SEMA3D: variants seen among roughly 807,000 people sequenced by gnomAD.
The protein encoded by SEMA3D is semaphorin 3D.
Under a neutral mutation model 100.1 loss-of-function variants are expected in SEMA3D, and 84 were observed. The ratio of observed to expected loss-of-function variants is 0.84; its 90% CI spans 0.70 to 1.01. The LOEUF is 1.01. Ranked by LOEUF, SEMA3D falls within the 50% of genes least tolerant of loss-of-function variation. The pLI, the probability that SEMA3D is intolerant of heterozygous loss-of-function variation, is 0.00. For missense variants in SEMA3D, 875 were observed against 934.1 expected, an observed-to-expected ratio of 0.94 and a Z score of 0.82; for synonymous variants, 312 against 320.7, an observed-to-expected ratio of 0.97 and a Z score of 0.29.
chr7:85,189,458 A>T (rs1392548868), upstream of SEMA3D, among the ~76,000 whole-genome samples: 1 of 152,198 alleles, frequency 6.6e-6, no homozygotes, highest in East Asian at 1.9e-4. Context: ...AATTCTTAAA[A>T]TAAAACCCAG....
chr7:85,183,549 C>G (rs1198245003), intron 1 of SEMA3D, among the ~76,000 whole-genome samples: 7 of 152,136 alleles, frequency 4.6e-5, no homozygotes. Flanking sequence ...CATTCCCACG[C>G]TTACTAGTCT....
intron 10 of SEMA3D, 138 bp downstream of exon 10, chr7:85,042,033 G>A: frequency 1.5e-6 from 1 of 687,188 alleles, no homozygotes; most frequent in South Asian, 1.8e-5. Flanking sequence ...CTTTGCGTGT[G>A]AATTTTAGTA....
rs1788611779 is a variant in SEMA3D at position 85,097,848 on chromosome 7, A to T, written c.269T>A (p.Ile90Asn). 6.2e-7 allele frequency: 1 copy of T among 1,608,686 alleles called. No individual in the cohort carries two copies. The highest frequency in any genetic ancestry group is 8.5e-7 in the Non-Finnish European group (1 of 1,176,068). ...TAAGTCAACCAGACTGAGTAGAAAGATGTGGTCTTTGGCTCCCAAGAGCAG... is the reference window on the plus strand; with the variant it reads ...TAAGTCAACCAGACTGAGTAGAAAGTTGTGGTCTTTGGCTCCCAAGAGCAG... ...GRLLLGAKDHIFLLSLVDLNK... is the reference protein window; with the variant it reads ...GRLLLGAKDHNFLLSLVDLNK... The change falls in exon 4 of 19, where the codon ATC becomes AAC. Residue 90 changes from isoleucine (I) to asparagine (N), a missense_variant. By Grantham distance (149) the Ile-to-Asn change is moderately radical. Transcript: ENST00000284136.
chr7:85,174,553 T>C (rs761521749), intron 1 of SEMA3D, among the ~76,000 whole-genome samples: 2 of 152,148 alleles, frequency 1.3e-5, no homozygotes, highest in Non-Finnish European at 2.9e-5. Context: ...CTTGGCAATA[T>C]GCTATAAGAA....
chr7:85,213,374 T>G, the SEMA3D span, among the ~76,000 whole-genome samples: 1 of 152,056 alleles, frequency 6.6e-6, no homozygotes, highest in South Asian at 2.1e-4. Flanking sequence ...TATTAAAAAG[T>G]ATAGTCTTTT....
At chr7:85,244,942 C>A in the SEMA3D span, among the ~76,000 whole-genome samples, 1 of 152,160 alleles carries the variant, frequency 6.6e-6, no homozygotes, top group African/African-American at 2.4e-5. Context: ...GATCTCCTGA[C>A]CTTGTGATCT....
At chr7:85,235,005 C>G in the SEMA3D span, among the ~76,000 whole-genome samples, 1 of 152,068 alleles carries the variant, frequency 6.6e-6, no homozygotes, top group Non-Finnish European at 1.5e-5. Context: ...GAGCAGTTTG[C>G]ACTGGAGCTG....
the SEMA3D span, among the ~76,000 whole-genome samples, chr7:85,213,834 CATT>C: frequency 4.5e-4 from 68 of 152,188 alleles, 3 homozygotes; most frequent in Admixed American, 3.9e-3. Flanking sequence ...TTTGTTTGTG[CATT>C]ATTATGCTAA....
chr7:85,173,508 T>C (rs1455629085), intron 1 of SEMA3D, among the ~76,000 whole-genome samples: 2 of 152,126 alleles, frequency 1.3e-5, no homozygotes, highest in Non-Finnish European at 2.9e-5. Context: ...CATTCTCTTA[T>C]GAAAGTATAT....
In SEMA3D at chr7:85,097,880, T is replaced by A. The variant is rs758483871; in HGVS notation, c.237A>T (p.Arg79Ser). The part of the protein sequence containing the change: ...DFQTLLLDEE[R>S]GRLLLGAKDH... ...CTTTGGCTCCCAAGAGCAGCCTGCC[T>A]CTTTCCTCATCTAAGAGAAGAGTTT... The change falls in exon 4 of 19, where the codon AGA (arginine) becomes AGT (serine). Residue 79 changes from arginine (R) to serine (S), a missense_variant. Physicochemically the swap from Arg to Ser is moderately radical, Grantham distance 110 (BLOSUM62 -1). Transcript: ENST00000284136. 1.9e-6 allele frequency: 3 copies of A among 1,609,730 alleles called. No homozygotes were observed. The highest frequency in any genetic ancestry group is 2.2e-5 in the South Asian group (2 of 90,766).
At chr7:85,121,392 T>A (rs1046699852) in intron 3 of SEMA3D, among the ~76,000 whole-genome samples, 7 of 151,996 alleles carry the variant, frequency 4.6e-5, no homozygotes, top group African/African-American at 1.2e-4. Context: ...TACTGTGTTT[T>A]AAAAAAAATC....
At chr7:85,144,046 T>C (rs1447511222) in intron 2 of SEMA3D, among the ~76,000 whole-genome samples, 1 of 152,074 alleles carries the variant, frequency 6.6e-6, no homozygotes, top group South Asian at 2.1e-4. Context: ...TACAGTTATA[T>C]ATGAAAGTAA....
chr7:85,136,360 T>C (rs1372057642), intron 2 of SEMA3D, among the ~76,000 whole-genome samples: 4 of 152,134 alleles, frequency 2.6e-5, no homozygotes, highest in African/African-American at 9.6e-5. Context: ...TACTTAATCA[T>C]TCAACAAGGG....
intron 4 of SEMA3D, among the ~76,000 whole-genome samples, chr7:85,083,865 C>T (rs1264658207): frequency 7.1e-6 from 1 of 140,964 alleles, no homozygotes; most frequent in African/African-American, 2.6e-5. Flanking sequence ...AAAATTGCAT[C>T]GGCCGGGGGT....
At chr7:85,004,927 C>T (rs186713486) in intron 18 of SEMA3D, among the ~76,000 whole-genome samples, 133 of 151,866 alleles carry the variant, frequency 8.8e-4, no homozygotes, top group Middle Eastern at 3.4e-3. Flanking sequence ...GAGCATGGTA[C>T]CATTATGAAT....
intron 18 of SEMA3D, among the ~76,000 whole-genome samples, chr7:85,006,238 C>T (rs1789793367): frequency 1.3e-5 from 2 of 151,862 alleles, no homozygotes; most frequent in Admixed American, 6.6e-5. Context: ...ATTGGGGGCT[C>T]AGGAACATTA....
intron 1 of SEMA3D, among the ~76,000 whole-genome samples, chr7:85,170,063 TA>T (rs1398782108): frequency 6.6e-6 from 1 of 151,702 alleles, no homozygotes; most frequent in Non-Finnish European, 1.5e-5. Flanking sequence ...GCAAAAGATT[TA>T]AAAAAAGAGA....
At chr7:85,092,742 C>T (rs1479086722) in intron 4 of SEMA3D, among the ~76,000 whole-genome samples, 2 of 151,954 alleles carry the variant, frequency 1.3e-5, no homozygotes, top group Non-Finnish European at 2.9e-5. Flanking sequence ...CAATGTCACA[C>T]CCCTAAAACA....
intron 2 of SEMA3D, among the ~76,000 whole-genome samples, chr7:85,132,577 T>TA (rs908881874): frequency 2.6e-5 from 4 of 151,818 alleles, no homozygotes; most frequent in Non-Finnish European, 5.9e-5. Flanking sequence ...AAGAACATAT[T>TA]AAAAAATACA....
Sources: allele counts gnomAD v4.1 joint callset (sites outside exome capture counted in the v4.1 genomes callset), GRCh38; gene constraint gnomAD v4.1.1; transcripts MANE v1.5; gene names NCBI Gene and HGNC (gene_info 2026-07-23, HGNC 2026-07-21).